The following PTPRD variants were observed in gnomAD, a reference collection of about 807,000 sequenced individuals.
PTPRD encodes the protein receptor-type tyrosine-protein phosphatase delta.
A neutral mutation model predicts 214.5 loss-of-function variants in PTPRD; 34 were observed. The ratio of observed to expected loss-of-function variants is 0.16; its 90% CI spans 0.12 to 0.21. The LOEUF (loss-of-function observed/expected upper bound fraction) is 0.21, where lower values mean the gene tolerates loss of function less well. PTPRD is among the 10% of genes least tolerant of loss of function. PTPRD has a pLI of 1.00. For synonymous variants in PTPRD, 1,128 were observed against 845.7 expected, an observed-to-expected ratio of 1.33 and a Z score of -5.79; for missense variants, 2,545 against 2,398.7, an observed-to-expected ratio of 1.06 and a Z score of -1.27.
chr9:9,560,432 A>G (rs570139859), intron 8 of PTPRD, among the ~76,000 whole-genome samples: 2 of 152,308 alleles, frequency 1.3e-5, no homozygotes, highest in Admixed American at 6.5e-5. Flanking sequence ...GCTGGCAAAG[A>G]TATGTTCCTC....
chr9:9,032,627 A>T (rs974892636), intron 10 of PTPRD, among the ~76,000 whole-genome samples: 23 of 151,986 alleles, frequency 1.5e-4, no homozygotes, highest in African/African-American at 5.6e-4. Context: ...AGAAAAAAAA[A>T]ATATGATTAA....
intron 3 of PTPRD, among the ~76,000 whole-genome samples, chr9:10,063,049 A>T (rs2154171181): frequency 6.6e-6 from 1 of 152,222 alleles, no homozygotes; most frequent in South Asian, 2.1e-4. Context: ...TAGTATAGCC[A>T]ATAAATTGAT....
intron 9 of PTPRD, among the ~76,000 whole-genome samples, chr9:9,249,658 A>G (rs1157919602): frequency 1.3e-5 from 2 of 152,012 alleles, no homozygotes; most frequent in African/African-American, 2.4e-5. Context: ...AACAGTTAGA[A>G]CCAACTGCTA....
intron 9 of PTPRD, among the ~76,000 whole-genome samples, chr9:9,193,005 G>T (rs2099936190): frequency 1.3e-5 from 2 of 152,082 alleles, no homozygotes; most frequent in Admixed American, 1.3e-4. Flanking sequence ...AATGAAACCA[G>T]ATTGATTCAC....
intron 7 of PTPRD, among the ~76,000 whole-genome samples, chr9:9,690,770 G>A (rs548367792): frequency 3.2e-4 from 49 of 151,776 alleles, no homozygotes; most frequent in Non-Finnish European, 6.0e-4. Flanking sequence ...AAATGAGTTG[G>A]CTGTAAATGT....
At chr9:8,746,689 A>G (rs1317530147) in intron 11 of PTPRD, among the ~76,000 whole-genome samples, 6 of 152,212 alleles carry the variant, frequency 3.9e-5, no homozygotes, top group Non-Finnish European at 7.3e-5. Context: ...TTGAATAAAA[A>G]CATCGATCAA....
intron 3 of PTPRD, among the ~76,000 whole-genome samples, chr9:10,120,478 A>T (rs1261945177): frequency 6.6e-6 from 1 of 151,998 alleles, no homozygotes. Flanking sequence ...CGTCCTCTGA[A>T]AACAGTCTTT....
chr9:9,202,056 GA>G (rs1219444767), intron 9 of PTPRD, among the ~76,000 whole-genome samples: 1 of 152,156 alleles, frequency 6.6e-6, no homozygotes, highest in Non-Finnish European at 1.5e-5. Context: ...CGGAAGATAA[GA>G]AAAGCCTTGA....
At chr9:8,791,714 GAA>G (rs2096244443) in intron 11 of PTPRD, among the ~76,000 whole-genome samples, 1 of 151,970 alleles carries the variant, frequency 6.6e-6, no homozygotes, top group African/African-American at 2.4e-5. Flanking sequence ...TGAGGGGAAA[GAA>G]AGGAACGTGA....
chr9:9,983,052 T>C (rs1383720656), intron 4 of PTPRD, among the ~76,000 whole-genome samples: 2 of 88,642 alleles, frequency 2.3e-5, no homozygotes, highest in South Asian at 8.3e-4. Context: ...TACTTAAATA[T>C]GTTATACCAA....
Position 9,596,412 on chromosome 9 carries a change from A to G in PTPRD, c.-286-21631T>C, listed in dbSNP as rs758415597. Among the ~76,000 whole-genome samples, 73 of 151,964 alleles carry G rather than the reference A, an allele frequency of 4.8e-4. 3 individuals are homozygous for G. Among genetic ancestry groups the G allele is most frequent in the Non-Finnish European group, 1.8e-4 (12 of 67,946 alleles). ...ACATTTCCTTAAGAGTCTTATAGGG[A>G]CGATATTATACTGAATTATTTTCTA... On this transcript the variant is annotated intron_variant, in intron 7 of 45. Transcript: ENST00000381196.
At chr9:8,533,430 T>A (rs1456791111) in intron 14 of PTPRD, among the ~76,000 whole-genome samples, 1 of 152,044 alleles carries the variant, frequency 6.6e-6, no homozygotes, top group Admixed American at 6.6e-5. Flanking sequence ...AGCGTGTCAA[T>A]TACATCAATT....
intron 2 of PTPRD, among the ~76,000 whole-genome samples, chr9:10,358,538 T>G (rs1256720868): frequency 6.6e-6 from 1 of 151,964 alleles, no homozygotes; most frequent in Non-Finnish European, 1.5e-5. Flanking sequence ...GCAATGTCAA[T>G]GAATTAAATT....
chr9:10,042,954 G>C (rs1433259764), intron 3 of PTPRD, among the ~76,000 whole-genome samples: 1 of 151,862 alleles, frequency 6.6e-6, no homozygotes, highest in African/African-American at 2.4e-5. Context: ...TTTAATCTAA[G>C]AGATCAGTAA....
chr9:9,734,917 C>T lies in PTPRD; in HGVS notation c.-325-346G>A, dbSNP rs533024079. Among the ~76,000 whole-genome samples, 10 of 152,114 alleles carry T rather than the reference C, an allele frequency of 6.6e-5. No individual in the cohort carries two copies. The South Asian group carries it at 1.9e-3, about 28-fold the overall frequency. On this transcript the variant is annotated intron_variant, in intron 6 of 45. Coordinates refer to ENST00000381196, the MANE Select transcript of PTPRD (RefSeq NM_002839.4). Reference sequence around the variant, plus strand: ...ACTTGAAATTCTCTAATAATTAGTACATAAATTTAATGTTTTTATGGGAGA... The same window carrying T: ...ACTTGAAATTCTCTAATAATTAGTATATAAATTTAATGTTTTTATGGGAGA...
At position 8,802,955 on chromosome 9, in the gene PTPRD, G is replaced by A. The variant is rs920316202; in HGVS notation, c.-103-69009C>T. On this transcript the variant is annotated intron_variant, in intron 11 of 45. Transcript: ENST00000381196. ...TAGTCTCAGCTACTTGGGAGGCTGAGGTTAGGAGGATCACTTGAGCCCAGG... is the reference window on the plus strand; with the variant it reads ...TAGTCTCAGCTACTTGGGAGGCTGAAGTTAGGAGGATCACTTGAGCCCAGG... Among the ~76,000 whole-genome samples, 4 of 152,040 alleles carry A rather than the reference G, an allele frequency of 2.6e-5. No homozygotes were observed. The East Asian group carries it at 7.7e-4, about 29-fold the overall frequency.
At chr9:10,299,042 G>C (rs1183358935) in intron 3 of PTPRD, among the ~76,000 whole-genome samples, 1 of 152,076 alleles carries the variant, frequency 6.6e-6, no homozygotes, top group Non-Finnish European at 1.5e-5. Flanking sequence ...TACATGCATT[G>C]CCATTGTAGA....
chr9:8,740,810 A>G (rs2091732204), intron 11 of PTPRD, among the ~76,000 whole-genome samples: 2 of 152,324 alleles, frequency 1.3e-5, no homozygotes, highest in Middle Eastern at 3.4e-3. Context: ...TAATTCAATC[A>G]TCTCATTTTT....
chr9:8,760,738 C>A (rs1385393896), intron 11 of PTPRD, among the ~76,000 whole-genome samples: 5 of 151,838 alleles, frequency 3.3e-5, no homozygotes, highest in African/African-American at 1.2e-4. Flanking sequence ...TTCTGTGGGT[C>A]TGAAGAATGC....
Sources: gnomAD v4.1 joint callset for allele counts (sites outside exome capture counted in the v4.1 genomes callset) on GRCh38, gnomAD v4.1.1 for gene constraint, MANE v1.5 for transcripts, NCBI Gene and HGNC (gene_info 2026-07-23, HGNC 2026-07-21) for gene names.